AFG2A: variants seen among roughly 807,000 people sequenced by gnomAD.
The protein encoded by AFG2A is ATPase family gene 2 protein homolog A.
the AFG2A span, among the ~76,000 whole-genome samples, chr4:123,242,410 A>G: frequency 3.9e-5 from 6 of 152,308 alleles, no homozygotes; most frequent in East Asian, 3.9e-4. Context: ...ACCAAAACAG[A>G]TATGTAGAGA....
chr4:122,974,016 T>G, the AFG2A span, among the ~76,000 whole-genome samples: 1 of 152,186 alleles, frequency 6.6e-6, no homozygotes, highest in Non-Finnish European at 1.5e-5. Flanking sequence ...AAATTCCATG[T>G]TTCTCTTGCC....
At chr4:123,130,190 T>A in the AFG2A span, among the ~76,000 whole-genome samples, 3 of 151,766 alleles carry the variant, frequency 2.0e-5, no homozygotes, top group South Asian at 4.2e-4. Context: ...ATATATTTTT[T>A]AATTTATGTA....
At chr4:123,224,917 A>G in the AFG2A span, among the ~76,000 whole-genome samples, 1 of 152,134 alleles carries the variant, frequency 6.6e-6, no homozygotes, top group Non-Finnish European at 1.5e-5. Flanking sequence ...CTGTTGTGAG[A>G]TGGTATCTCA....
the AFG2A span, among the ~76,000 whole-genome samples, chr4:122,997,207 A>G: frequency 6.6e-6 from 1 of 152,186 alleles, no homozygotes; most frequent in African/African-American, 2.4e-5. Flanking sequence ...AAAGGGTACA[A>G]TTCCATGGTC....
chr4:122,966,793 A>G, the AFG2A span, among the ~76,000 whole-genome samples: 3 of 152,158 alleles, frequency 2.0e-5, no homozygotes, highest in East Asian at 3.9e-4. Context: ...GTTATGATGT[A>G]TCTCTCCTAT....
chr4:123,032,546 T>C, the AFG2A span, among the ~76,000 whole-genome samples: 2 of 152,040 alleles, frequency 1.3e-5, no homozygotes, highest in African/African-American at 4.8e-5. Context: ...CTCCCAAGTA[T>C]CTGGGGTTAC....
chr4:123,098,562 C>A, the AFG2A span, among the ~76,000 whole-genome samples: 1 of 152,002 alleles, frequency 6.6e-6, no homozygotes, highest in East Asian at 1.9e-4. Flanking sequence ...ATTCTACTTT[C>A]TGCTTTTGTG....
the AFG2A span, among the ~76,000 whole-genome samples, chr4:123,009,151 C>G: frequency 2.0e-5 from 3 of 152,222 alleles, no homozygotes; most frequent in African/African-American, 7.2e-5. Context: ...GTACACACTT[C>G]TAGATGTCCT....
chr4:123,121,351 G>A, the AFG2A span, among the ~76,000 whole-genome samples: 3 of 151,848 alleles, frequency 2.0e-5, no homozygotes, highest in Non-Finnish European at 2.9e-5. Flanking sequence ...TTATTGTACC[G>A]TGTTTATTAT....
the AFG2A span, among the ~76,000 whole-genome samples, chr4:123,036,476 CAAG>C: frequency 6.6e-6 from 1 of 151,700 alleles, no homozygotes; most frequent in African/African-American, 2.4e-5. Flanking sequence ...ATTTGTAGCT[CAAG>C]AGGATGATTA....
the AFG2A span, among the ~76,000 whole-genome samples, chr4:123,123,633 GTTAGAATGGCGA>G: frequency 1.3e-5 from 2 of 152,016 alleles, no homozygotes; most frequent in Non-Finnish European, 2.9e-5. Flanking sequence ...TCTCACACCA[GTTAGAATGGCGA>G]TCATTAAAAA....
At chr4:123,105,363 ATGG>A in the AFG2A span, among the ~76,000 whole-genome samples, 2 of 152,352 alleles carry the variant, frequency 1.3e-5, no homozygotes, top group African/African-American at 4.8e-5. Context: ...GACAATGCAC[ATGG>A]TTACTCAAGG....
the AFG2A span, among the ~76,000 whole-genome samples, chr4:123,005,082 G>A: frequency 6.6e-6 from 1 of 152,054 alleles, no homozygotes; most frequent in Non-Finnish European, 1.5e-5. Flanking sequence ...TATTGGTAAT[G>A]TGTGTTTACT....
chr4:123,294,197 C>A, the AFG2A span, among the ~76,000 whole-genome samples: 1 of 152,186 alleles, frequency 6.6e-6, no homozygotes, highest in Non-Finnish European at 1.5e-5. Context: ...AAAGCAAGTG[C>A]AAGCACCAGC....
chr4:122,978,712 A>G, the AFG2A span, among the ~76,000 whole-genome samples: 47 of 152,322 alleles, frequency 3.1e-4, no homozygotes, highest in Middle Eastern at 3.4e-3. Flanking sequence ...AGCCACCCTC[A>G]GCCTCCCTCA....
the AFG2A span, among the ~76,000 whole-genome samples, chr4:123,072,289 T>C: frequency 1.3e-3 from 200 of 152,252 alleles, no homozygotes; most frequent in African/African-American, 4.7e-3. Flanking sequence ...ATTAATACAG[T>C]GTCTGGGAAG....
the AFG2A span, among the ~76,000 whole-genome samples, chr4:123,157,852 T>G: frequency 6.6e-6 from 1 of 152,178 alleles, no homozygotes; most frequent in Non-Finnish European, 1.5e-5. Flanking sequence ...ATGAAATATG[T>G]TATTGTTAAA....
chr4:123,314,501 A>ATC, the AFG2A span: 1 of 152,396 alleles, frequency 6.6e-6, no homozygotes, highest in Non-Finnish European at 1.5e-5. Context: ...ATTTTTTGTA[A>ATC]TCTTTATTTT....
the AFG2A span, among the ~76,000 whole-genome samples, chr4:123,106,863 C>T: frequency 3.9e-5 from 6 of 152,236 alleles, no homozygotes; most frequent in Non-Finnish European, 8.8e-5. Context: ...CAAGGGCGAG[C>T]GAGGCGTGGA....
Sources: allele counts gnomAD v4.1 joint callset (sites outside exome capture counted in the v4.1 genomes callset), GRCh38; gene constraint gnomAD v4.1.1; transcripts MANE v1.5; gene names NCBI Gene and HGNC (gene_info 2026-07-23, HGNC 2026-07-21).